Variants in GRM1 observed in about 807,000 individuals in gnomAD.
GRM1 encodes metabotropic glutamate receptor 1.
Under a neutral mutation model 90.9 loss-of-function variants are expected in GRM1, and 33 were observed. The observed-to-expected ratio is 0.36, with a 90% CI of 0.28 to 0.49. The LOEUF is 0.49. Among genes scored for constraint, GRM1 ranks in the 20% least tolerant of loss-of-function variants. The pLI is 0.99. For missense variants in GRM1, 1,190 were observed against 1,534.3 expected, an observed-to-expected ratio of 0.78 and a Z score of 3.75; for synonymous variants, 700 against 613.2, an observed-to-expected ratio of 1.14 and a Z score of -2.09.
At chr6:146,405,039 C>G (rs1250352776) in intron 7 of GRM1, among the ~76,000 whole-genome samples, 1 of 152,122 alleles carries the variant, frequency 6.6e-6, no homozygotes, top group Non-Finnish European at 1.5e-5. Context: ...AAATAGGACT[C>G]TTATGATTTG....
chr6:146,055,823 A>G (rs1775464062), intron 1 of GRM1, among the ~76,000 whole-genome samples: 1 of 152,336 alleles, frequency 6.6e-6, no homozygotes, highest in Non-Finnish European at 1.5e-5. Flanking sequence ...CTGGATTGCC[A>G]GTAGGGAAAG....
At chr6:146,202,996 CA>C (rs1779358385) in intron 2 of GRM1, among the ~76,000 whole-genome samples, 5 of 151,870 alleles carry the variant, frequency 3.3e-5, no homozygotes, top group Admixed American at 6.6e-5. Context: ...GAGAGAGAGA[CA>C]ATCCTGGCTA....
intron 7 of GRM1, among the ~76,000 whole-genome samples, chr6:146,427,016 C>A (rs146861656): frequency 6.6e-6 from 1 of 151,858 alleles, no homozygotes; most frequent in Non-Finnish European, 1.5e-5. Context: ...TGCCTTTTTG[C>A]GGTTGCACAA....
chr6:146,353,322 C>A (rs2115044369), intron 4 of GRM1, among the ~76,000 whole-genome samples: 1 of 152,276 alleles, frequency 6.6e-6, no homozygotes, highest in East Asian at 1.9e-4. Context: ...TTGGCTACCA[C>A]TCAGCAAGCC....
Position 146,434,713 on chromosome 6 carries a change from G to A in GRM1, c.3502G>A (p.Glu1168Lys), listed in dbSNP as rs748991380. Residue 1168 changes from glutamate (E) to lysine (K), a missense_variant, in exon 8 of 8, where the codon GAG becomes AAG. Physicochemically the swap from Glu to Lys is moderately conservative, Grantham distance 56. Coordinates refer to ENST00000282753, the MANE Select transcript of GRM1 (RefSeq NM_001278064.2). ...CTCGGTGCCCAGCTCCCCCGTGTCC[G>A]AGTCGGTGCTCTGCACCCCTCCCAA... ...GSSVPSSPVSESVLCTPPNVS... is the reference protein window; with the variant it reads ...GSSVPSSPVSKSVLCTPPNVS... The A allele has an allele frequency of 1.9e-6, 3 of 1,602,394 alleles. No homozygotes were observed. In the South Asian group the frequency reaches 3.3e-5, roughly 18 times the overall value.
intron 2 of GRM1, among the ~76,000 whole-genome samples, chr6:146,170,051 G>A (rs1191125095): frequency 6.6e-6 from 1 of 151,916 alleles, no homozygotes; most frequent in African/African-American, 2.4e-5. Context: ...AAGATTCTTG[G>A]CTAACAACTT....
intron 2 of GRM1, among the ~76,000 whole-genome samples, chr6:146,215,919 G>T (rs937967541): frequency 9.9e-5 from 15 of 152,034 alleles, no homozygotes; most frequent in African/African-American, 3.1e-4. Flanking sequence ...ACCATGCCCG[G>T]CTAATTTTTT....
intron 6 of GRM1, among the ~76,000 whole-genome samples, chr6:146,396,134 A>G (rs556973462): frequency 9.0e-5 from 13 of 144,548 alleles, no homozygotes; most frequent in Non-Finnish European, 1.5e-4. Flanking sequence ...TCATCTATGT[A>G]TCATCTGTCT....
intron 2 of GRM1, among the ~76,000 whole-genome samples, chr6:146,193,434 G>T (rs1167693902): frequency 2.0e-5 from 3 of 152,100 alleles, no homozygotes. Context: ...GCCAATGAGA[G>T]GGAGATTAAC....
At chr6:146,194,411 G>T (rs1779046142) in intron 2 of GRM1, among the ~76,000 whole-genome samples, 1 of 152,112 alleles carries the variant, frequency 6.6e-6, no homozygotes, top group Non-Finnish European at 1.5e-5. Flanking sequence ...AGCTAACACT[G>T]TAATGTTATA....
At chr6:146,415,161 G>A (rs1354816448) in intron 7 of GRM1, among the ~76,000 whole-genome samples, 1 of 152,150 alleles carries the variant, frequency 6.6e-6, no homozygotes, top group Non-Finnish European at 1.5e-5. Flanking sequence ...GGCAGGTTCT[G>A]GTGAGGGCCC....
At chr6:146,162,557 A>G (rs768157982) in intron 2 of GRM1, among the ~76,000 whole-genome samples, 12 of 152,186 alleles carry the variant, frequency 7.9e-5, no homozygotes, top group Non-Finnish European at 1.5e-4. Flanking sequence ...GTCTTAACAT[A>G]GAAGGCAAAG....
chr6:146,368,402 T>A (rs962410219), intron 5 of GRM1, among the ~76,000 whole-genome samples: 2 of 152,072 alleles, frequency 1.3e-5, no homozygotes, highest in African/African-American at 4.8e-5. Context: ...GAACTTCCAG[T>A]ACCATGTTGA....
intron 4 of GRM1, among the ~76,000 whole-genome samples, chr6:146,352,745 A>G (rs1324877267): frequency 1.3e-5 from 2 of 152,184 alleles, no homozygotes; most frequent in African/African-American, 4.8e-5. Context: ...TAACTCACCT[A>G]TCACTTGACC....
chr6:146,342,475 C>G (rs1785019073), intron 3 of GRM1, among the ~76,000 whole-genome samples: 1 of 152,184 alleles, frequency 6.6e-6, no homozygotes, highest in Non-Finnish European at 1.5e-5. Flanking sequence ...AAGCAAGAGA[C>G]AGAAGTATCT....
intron 3 of GRM1, among the ~76,000 whole-genome samples, chr6:146,343,653 T>TTTTA (rs1554298953): frequency 6.9e-6 from 1 of 144,628 alleles, no homozygotes; most frequent in African/African-American, 2.8e-5. Flanking sequence ...TTGTTGTTGT[T>TTTTA]TTTATTTATT....
At chr6:146,113,176 G>A (rs1339288021) in intron 1 of GRM1, among the ~76,000 whole-genome samples, 2 of 152,100 alleles carry the variant, frequency 1.3e-5, no homozygotes, top group Non-Finnish European at 2.9e-5. Context: ...AATGGCAATG[G>A]AAAATTCCTG....
rs80080101 is a variant in GRM1, at chr6:146,191,194, C to T, written c.950+31597C>T. ...TAGTCTGGATTAGGCTTCTTGCCAT[C>T]GTGCCCCCATTCCTTTCAGTGTCTT... On this transcript the variant is annotated intron_variant, in intron 2 of 7. Coordinates refer to ENST00000282753, the MANE Select transcript of GRM1 (RefSeq NM_001278064.2). Among the ~76,000 whole-genome samples the T allele has an allele frequency of 1.2e-3, 179 of 152,294 alleles. 1 individual carries two copies. The highest frequency in any genetic ancestry group is 4.1e-3 in the African/African-American group (171 of 41,572).
chr6:146,136,244 T>G (rs548653022), intron 1 of GRM1, among the ~76,000 whole-genome samples: 11 of 152,340 alleles, frequency 7.2e-5, no homozygotes, highest in Admixed American at 5.2e-4. Context: ...ATAAACATGG[T>G]AGTGCAGATA....
Sources: gnomAD v4.1 joint callset for allele counts (sites outside exome capture counted in the v4.1 genomes callset) on GRCh38, gnomAD v4.1.1 for gene constraint, MANE v1.5 for transcripts, NCBI Gene and HGNC (gene_info 2026-07-23, HGNC 2026-07-21) for gene names.